Variants in GRIK3 observed in about 807,000 individuals in gnomAD.
The protein encoded by GRIK3 is glutamate ionotropic receptor kainate type subunit 3.
Under a neutral mutation model 102.5 loss-of-function variants are expected in GRIK3, and 29 were observed. The ratio of observed to expected loss-of-function variants is 0.28; its 90% CI spans 0.21 to 0.39. The LOEUF (loss-of-function observed/expected upper bound fraction) is 0.39. Among genes scored for constraint, GRIK3 ranks in the 10% least tolerant of loss-of-function variants. The pLI is 1.00. For synonymous variants in GRIK3, 511 were observed against 504.9 expected (o/e 1.01, Z -0.16); for missense variants, 908 against 1,252.4 (o/e 0.73, Z 4.15).
chr1:36,815,904 T>C (rs557734354), intron 13 of GRIK3, among the ~76,000 whole-genome samples: 1 of 152,124 alleles, frequency 6.6e-6, no homozygotes, highest in East Asian at 1.9e-4. Context: ...GGATTACAGG[T>C]GCACGTCACC....
At chr1:37,029,744 C>T (rs889678238) in intron 1 of GRIK3, among the ~76,000 whole-genome samples, 4 of 152,218 alleles carry the variant, frequency 2.6e-5, no homozygotes, top group Non-Finnish European at 5.9e-5. Flanking sequence ...GGAAGGCTTA[C>T]AGCCCCACAA....
intron 10 of GRIK3, among the ~76,000 whole-genome samples, chr1:36,826,309 T>C (rs61769771): frequency 0.12 from 18,756 of 152,228 alleles, 1,257 homozygotes; most frequent in Non-Finnish European, 0.15. Context: ...ACATTCTGGA[T>C]TTTCTATATA....
intron 10 of GRIK3, among the ~76,000 whole-genome samples, chr1:36,832,947 C>T (rs1640327194): frequency 6.6e-6 from 1 of 152,180 alleles, no homozygotes; most frequent in Admixed American, 6.5e-5. Flanking sequence ...ACTCCCATAG[C>T]CCCCGCACTG....
chr1:36,835,613 G>A lies in GRIK3; in HGVS notation c.1530+6123C>T, dbSNP rs1327106286. Among the ~76,000 whole-genome samples the A allele has an allele frequency of 2.0e-5, 3 of 152,164 alleles. No individual in the cohort carries two copies. The East Asian group carries it at 5.8e-4, about 29-fold the overall frequency. ...AGTAATGGCATAATCCCCTGCCTCAGGTTCTGCTCTGCAGGCTCCCAGGCT... is the reference window on the plus strand; with the variant it reads ...AGTAATGGCATAATCCCCTGCCTCAAGTTCTGCTCTGCAGGCTCCCAGGCT... On this transcript the variant is annotated intron_variant, in intron 10 of 15. Coordinates refer to ENST00000373091, the MANE Select transcript of GRIK3 (RefSeq NM_000831.4).
chr1:37,023,870 T>C (rs1047482640), intron 1 of GRIK3, among the ~76,000 whole-genome samples: 7 of 152,148 alleles, frequency 4.6e-5, no homozygotes, highest in Non-Finnish European at 1.0e-4. Flanking sequence ...CATGGAGACA[T>C]GGTAATAGGC....
intron 10 of GRIK3, among the ~76,000 whole-genome samples, chr1:36,832,362 C>G (rs1640312545): frequency 6.6e-6 from 1 of 152,168 alleles, no homozygotes; most frequent in African/African-American, 2.4e-5. Context: ...GGTCAGCTGA[C>G]AGAGCACATG....
chr1:36,864,868 G>A (rs550536881), intron 5 of GRIK3, among the ~76,000 whole-genome samples: 1 of 149,658 alleles, frequency 6.7e-6, no homozygotes, highest in East Asian at 1.9e-4. Flanking sequence ...AATTCAGACT[G>A]CCCAGGGCCA....
At chr1:36,932,326 C>T (rs996886178) in intron 1 of GRIK3, among the ~76,000 whole-genome samples, 1 of 152,158 alleles carries the variant, frequency 6.6e-6, no homozygotes, top group African/African-American at 2.4e-5. Flanking sequence ...ATCGTAGAAA[C>T]CTGGTGAATG....
intron 1 of GRIK3, among the ~76,000 whole-genome samples, chr1:37,004,389 A>T (rs1157129640): frequency 6.6e-6 from 1 of 152,222 alleles, no homozygotes; most frequent in African/African-American, 2.4e-5. Context: ...TGTTACTGCA[A>T]TTGTTCCCTC....
Position 36,929,496 on chromosome 1 carries a change from T to C in GRIK3, c.116-38400A>G, listed in dbSNP as rs78176552. Among the ~76,000 whole-genome samples the C allele has an allele frequency of 7.5e-3, 1,139 of 152,308 alleles. 53 individuals are homozygous for C. The East Asian group carries it at 0.11, about 15-fold the overall frequency. On this transcript the variant is annotated intron_variant, in intron 1 of 15. Transcript: ENST00000373091. ...ACAGTAATTCCCAAACCACATTCCA[T>C]AGGACATGAATTTCTGGAAATCTCA...
At chr1:36,900,005 C>A (rs1383777739) in intron 1 of GRIK3, among the ~76,000 whole-genome samples, 5 of 152,196 alleles carry the variant, frequency 3.3e-5, no homozygotes, top group Non-Finnish European at 5.9e-5. Flanking sequence ...GACAGAAAAT[C>A]AGTAAGGTTA....
At chr1:36,836,816 G>T (rs890235277) in intron 10 of GRIK3, among the ~76,000 whole-genome samples, 2 of 152,112 alleles carry the variant, frequency 1.3e-5, no homozygotes, top group Non-Finnish European at 2.9e-5. Flanking sequence ...CAGGGGGCTG[G>T]GAGAGCAGCC....
Position 36,812,332 on chromosome 1 carries a change from C to T in GRIK3, c.2091+4728G>A, listed in dbSNP as rs908963446. On this transcript the variant is annotated intron_variant, in intron 13 of 15. Transcript: ENST00000373091. ...CCCAGCTCCCACTCCTTTCCTAAGC[C>T]GCTATCCCTCTCATCTGTTATGTGC... Among the ~76,000 whole-genome samples, 5 of 152,164 alleles carry T rather than the reference C, an allele frequency of 3.3e-5. No homozygotes were observed. The South Asian group carries it at 8.3e-4, about 25-fold the overall frequency.
At chr1:36,973,416 CTT>C (rs35394730) in intron 1 of GRIK3, among the ~76,000 whole-genome samples, 279 of 114,918 alleles carry the variant, frequency 2.4e-3, no homozygotes, top group African/African-American at 8.6e-3. Flanking sequence ...CTTCTTTTTC[CTT>C]TTTTTTTTTT....
chr1:37,001,967 G>A (rs1642482686), intron 1 of GRIK3, among the ~76,000 whole-genome samples: 1 of 152,170 alleles, frequency 6.6e-6, no homozygotes, highest in Non-Finnish European at 1.5e-5. Context: ...GATACACTAA[G>A]TCCATCTGTC....
At chr1:36,829,984 G>A (rs1308759917) in intron 10 of GRIK3, among the ~76,000 whole-genome samples, 1 of 152,206 alleles carries the variant, frequency 6.6e-6, no homozygotes, top group Non-Finnish European at 1.5e-5. Flanking sequence ...TCTGAGATCT[G>A]GCCTCTGACT....
chr1:36,806,079 C>A lies in GRIK3; in HGVS notation c.2314+25G>T, dbSNP rs769473382. On this transcript the variant is annotated intron_variant, in intron 14 of 15. Transcript: ENST00000373091. The surrounding 1 kb of genome is among the most constrained non-coding windows in gnomAD (Gnocchi z 4.0). ...CCTCCCTCTGCCCACACACCCACCC[C>A]TCCCACAGGCAGCCCCTCGCTCACC... The A allele has an allele frequency of 1.3e-6, 2 of 1,564,868 alleles. No homozygotes were observed. The highest frequency in any genetic ancestry group is 2.3e-5 in the South Asian group (2 of 88,556).
chr1:36,948,489 T>C (rs1641808212), intron 1 of GRIK3, among the ~76,000 whole-genome samples: 1 of 152,168 alleles, frequency 6.6e-6, no homozygotes, highest in African/African-American at 2.4e-5. Flanking sequence ...TACTGTGTGC[T>C]AGGTCCTGAA....
chr1:36,882,041 G>A (rs936381673), intron 2 of GRIK3, among the ~76,000 whole-genome samples: 4 of 152,070 alleles, frequency 2.6e-5, no homozygotes, highest in African/African-American at 9.7e-5. Context: ...TCTTACTAGG[G>A]AGGCCTTCAC....
Sources: allele counts gnomAD v4.1 joint callset (sites outside exome capture counted in the v4.1 genomes callset), GRCh38; gene constraint gnomAD v4.1.1; non-coding constraint Gnocchi (gnomAD v3.1); transcripts MANE v1.5; gene names NCBI Gene and HGNC (gene_info 2026-07-23, HGNC 2026-07-21).